Variants in WRN observed in about 807,000 individuals in gnomAD.
The protein encoded by WRN is bifunctional 3'-5' exonuclease/ATP-dependent helicase WRN.
A neutral mutation model predicts 180.7 loss-of-function variants in WRN; 149 were observed. That is an observed-to-expected ratio of 0.82 (90% CI 0.72 to 0.94). The LOEUF is 0.94. Ranked by LOEUF, WRN falls within the 40% of genes least tolerant of loss-of-function variation. The pLI, the probability that WRN is intolerant of heterozygous loss-of-function variation, is 0.00. For synonymous variants in WRN, 548 were observed against 568.9 expected (o/e 0.96, Z 0.52); for missense variants, 1,661 against 1,700.1 (o/e 0.98, Z 0.40).
chr8:31,148,466 C>G (rs915884190), intron 30 of WRN, among the ~76,000 whole-genome samples: 2 of 152,070 alleles, frequency 1.3e-5, no homozygotes, highest in African/African-American at 4.8e-5. Context: ...CTTAAACTTA[C>G]TTTTCCCTCT....
At position 31,141,539 on chromosome 8, in the gene WRN, G is replaced by C. The variant is rs1185861750; in HGVS notation, c.3077G>C (p.Gly1026Ala). 1 of 1,613,990 alleles carries C rather than the reference G, an allele frequency of 6.2e-7. No homozygotes were observed. The highest frequency in any genetic ancestry group is 8.5e-7 in the Non-Finnish European group (1 of 1,180,038). ...TTTTCCCGTCAGCTGATCACTGAGG[G>C]ATTCTTGGTAGAAGTTTCTCGGTAT... ...KAFSRQLITE[G>A]FLVEVSRYNK... The change falls in exon 25 of 35, where the codon GGA (glycine) becomes GCA (alanine). Residue 1026 changes from glycine (G) to alanine (A), a missense_variant. This residue lies in a region of WRN where 1,141 missense variants were observed against 1,149.4 expected (regional missense o/e 0.99). Coordinates refer to ENST00000298139, the MANE Select transcript of WRN (RefSeq NM_000553.6).
At chr8:31,107,505 G>A (rs1463738983) in intron 18 of WRN, among the ~76,000 whole-genome samples, 2 of 152,180 alleles carry the variant, frequency 1.3e-5, no homozygotes, top group Admixed American at 1.3e-4. Flanking sequence ...CGGGGAGGGT[G>A]TTGGCCGAGC....
chr8:31,068,358 T>C lies in WRN; in HGVS notation c.724+31T>C, dbSNP rs1484836293. The C allele has an allele frequency of 3.2e-6, 5 of 1,548,960 alleles. No homozygotes were observed. In the South Asian group the frequency reaches 5.7e-5, roughly 18 times the overall value. On this transcript the variant is annotated intron_variant, in intron 7 of 34. Transcript: ENST00000298139. ...TTAAGATCCATAAATAAAATGTGAA[T>C]TCACTCTTTTGTGAGGTTTATCTCC...
At chr8:31,172,944 C>T in intron 34 of WRN, 51 bp from the exon 35 acceptor site, 1 of 1,562,086 alleles carries the variant, frequency 6.4e-7, no homozygotes, top group South Asian at 1.1e-5. Flanking sequence ...AACTAATACC[C>T]CTTCTCAGTA....
At chr8:31,130,014 ACAAAACAAAAC>A (rs1802090302) in intron 23 of WRN, among the ~76,000 whole-genome samples, 6 of 118,148 alleles carry the variant, frequency 5.1e-5, no homozygotes, top group Admixed American at 9.0e-5. Context: ...CAAAAAAAAA[ACAAAACAAAAC>A]AAAAAAAAAA....
chr8:31,045,342 A>C (rs966396079), intron 1 of WRN, among the ~76,000 whole-genome samples: 2 of 151,772 alleles, frequency 1.3e-5, no homozygotes, highest in Admixed American at 1.3e-4. Flanking sequence ...GGTTTTCTCT[A>C]TATGGGATTA....
chr8:31,149,630 AC>A (rs1244205008), intron 30 of WRN, among the ~76,000 whole-genome samples: 1 of 150,722 alleles, frequency 6.6e-6, no homozygotes, highest in Admixed American at 6.6e-5. Context: ...GCGCGCTGCC[AC>A]CCCCGGCTAA....
intron 21 of WRN, among the ~76,000 whole-genome samples, chr8:31,123,886 A>G (rs1801819041): frequency 6.6e-6 from 1 of 152,054 alleles, no homozygotes; most frequent in Non-Finnish European, 1.5e-5. Context: ...AAAAACAAAC[A>G]CCTCCTTAAT....
chr8:31,112,428 T>A (rs1037185558), intron 19 of WRN, among the ~76,000 whole-genome samples: 2 of 152,178 alleles, frequency 1.3e-5, no homozygotes, highest in Non-Finnish European at 2.9e-5. Context: ...TATAAAATGA[T>A]CTAATTTAAT....
At chr8:31,080,592 A>C (rs1238813884) in intron 8 of WRN, among the ~76,000 whole-genome samples, 2 of 152,086 alleles carry the variant, frequency 1.3e-5, no homozygotes, top group Admixed American at 1.3e-4. Context: ...TCAACAAAAA[A>C]CATATAGTTG....
chr8:31,061,947 T>C (rs757464657), intron 3 of WRN, among the ~76,000 whole-genome samples: 1 of 152,180 alleles, frequency 6.6e-6, no homozygotes, highest in Non-Finnish European at 1.5e-5. Context: ...TGGAGCTCTT[T>C]TCCTGCCTAG....
intron 3 of WRN, among the ~76,000 whole-genome samples, chr8:31,059,923 G>A (rs902162799): frequency 6.6e-6 from 1 of 152,070 alleles, no homozygotes; most frequent in African/African-American, 2.4e-5. Flanking sequence ...AGGTGTGGTG[G>A]CGTGCGCCTG....
At chr8:31,034,703 T>C in intron 1 of WRN, among the ~76,000 whole-genome samples, 1 of 152,214 alleles carries the variant, frequency 6.6e-6, no homozygotes, top group Non-Finnish European at 1.5e-5. Flanking sequence ...AGGACTCATT[T>C]CCCAGTTGCC....
At chr8:31,130,004 C>CAAAAAAAAAAA (rs374855114) in intron 23 of WRN, among the ~76,000 whole-genome samples, 2 of 78,054 alleles carry the variant, frequency 2.6e-5, no homozygotes, top group East Asian at 4.3e-4. Flanking sequence ...ACTCTTGTCT[C>CAAAAAAAAAAA]AAAAAAAAAA....
At chr8:31,100,767 A>T (rs1325551970) in intron 17 of WRN, 82 bp from the exon 18 acceptor site, 1 of 1,147,390 alleles carries the variant, frequency 8.7e-7, no homozygotes, top group African/African-American at 1.5e-5. Flanking sequence ...TTGGTTATTT[A>T]TTCTCCTTTG....
At chr8:31,066,399 G>A (rs976820479) in intron 5 of WRN, among the ~76,000 whole-genome samples, 1 of 151,432 alleles carries the variant, frequency 6.6e-6, no homozygotes, top group Non-Finnish European at 1.5e-5. Flanking sequence ...TGTTAGCCAG[G>A]ATGGTCTTGA....
In WRN at chr8:31,135,017, G is replaced by A. The variant is rs1427719517; in HGVS notation, c.2967+2511G>A. The stretch of plus-strand genomic sequence containing the variant: ...AAAAAGCACCCCCGTCCTCCCCCAA[G>A]CCCCCCCACCAAAAAAAGTTAAAGT... On this transcript the variant is annotated intron_variant, in intron 24 of 34. Transcript: ENST00000298139. 2.7e-5 allele frequency among the ~76,000 whole-genome samples: 4 copies of A among 149,840 alleles called. No homozygotes were observed. In the East Asian group the frequency reaches 5.9e-4, roughly 22 times the overall value.
Position 31,157,472 on chromosome 8 carries a change from G to C in WRN, c.3924G>C (p.Leu1308=). The C allele has an allele frequency of 1.2e-6, 2 of 1,614,120 alleles. No homozygotes were observed. Among genetic ancestry groups the C allele is most frequent in the Non-Finnish European group, 1.7e-6 (2 of 1,180,014 alleles). The change falls in exon 33 of 35, where the codon CTG becomes CTC. Residue 1308 remains leucine, a synonymous_variant. Transcript: ENST00000298139. ...CCCTTGATTTGGAGCGAGCAGGCCT[G>C]ACTCCAGAGGTTCAGAAGATTATTG... ...GCPLDLERAG[L]TPEVQKIIAD...
intron 30 of WRN, among the ~76,000 whole-genome samples, chr8:31,148,879 C>G (rs970011338): frequency 2.0e-5 from 3 of 152,118 alleles, no homozygotes; most frequent in African/African-American, 7.2e-5. Context: ...TTTTGTGTGT[C>G]TCCTGTAGCA....
Sources: gnomAD v4.1 joint callset for allele counts (sites outside exome capture counted in the v4.1 genomes callset) on GRCh38, gnomAD v4.1.1 for gene constraint, gnomAD v4.1.1 regional missense constraint, MANE v1.5 for transcripts, NCBI Gene and HGNC (gene_info 2026-07-23, HGNC 2026-07-21) for gene names.